VEGFD: variants seen among roughly 807,000 people sequenced by gnomAD.
VEGFD encodes the protein c-fos induced growth factor (vascular endothelial growth factor D).
VEGFD carries 26 observed loss-of-function variants against 28.0 expected under a neutral mutation model. The observed-to-expected ratio is 0.93, with a 90% CI of 0.68 to 1.29. VEGFD has a LOEUF of 1.29. Among genes scored for constraint, VEGFD ranks in the 50% most tolerant of loss-of-function variants. VEGFD has a pLI of 0.00. For missense variants in VEGFD, 294 were observed against 273.4 expected, an observed-to-expected ratio of 1.08 and a Z score of -0.53; for synonymous variants, 93 against 95.5, an observed-to-expected ratio of 0.97 and a Z score of 0.15.
chrX:15,357,069 G>A (rs1346153899), intron 3 of VEGFD, among the ~76,000 whole-genome samples: 1 of 111,795 alleles, frequency 8.9e-6, no homozygotes, highest in African/African-American at 3.3e-5. Flanking sequence ...CAAAAATAAT[G>A]TAGTTTGATG....
chrX:15,382,744 T>G (rs1923612239), intron 1 of VEGFD, among the ~76,000 whole-genome samples: 1 of 111,074 alleles, frequency 9.0e-6, no homozygotes, highest in South Asian at 3.8e-4. Flanking sequence ...ATTTGAGAAG[T>G]TAGAAAAGTG....
chrX:15,361,645 C>CTA (rs1923014845), intron 2 of VEGFD, among the ~76,000 whole-genome samples: 1 of 111,210 alleles, frequency 9.0e-6, no homozygotes, highest in Non-Finnish European at 1.9e-5. Flanking sequence ...TTGAATTATG[C>CTA]TATATATATA....
intron 1 of VEGFD, among the ~76,000 whole-genome samples, chrX:15,381,296 G>T (rs570029491): frequency 2.7e-5 from 3 of 111,015 alleles, no homozygotes; most frequent in Middle Eastern, 4.6e-3. Flanking sequence ...TAGAACTATC[G>T]TAGAGGCAAT....
At chrX:15,375,890 TTA>T (rs1452941112) in intron 1 of VEGFD, among the ~76,000 whole-genome samples, 2 of 111,379 alleles carry the variant, frequency 1.8e-5, no homozygotes, top group Non-Finnish European at 3.8e-5. Context: ...TGCCCTGCCT[TTA>T]TGTGTTTGAA....
intron 5 of VEGFD, among the ~76,000 whole-genome samples, chrX:15,351,785 A>G (rs906425214): frequency 2.7e-5 from 3 of 112,661 alleles, no homozygotes; most frequent in Admixed American, 9.3e-5. Flanking sequence ...TTTTATATTG[A>G]TTGCATGTTG....
chrX:15,371,758 C>T (rs182273110), intron 1 of VEGFD, among the ~76,000 whole-genome samples: 5 of 112,320 alleles, frequency 4.5e-5, no homozygotes, highest in African/African-American at 1.3e-4. Context: ...GCATTGTGCT[C>T]ATTCCAAATT....
chrX:15,355,586 C>T (rs761183147), intron 3 of VEGFD, among the ~76,000 whole-genome samples: 62 of 112,210 alleles, frequency 5.5e-4, no homozygotes, highest in East Asian at 5.6e-4. Flanking sequence ...TAAAGCTATG[C>T]AGTTTCTTTA....
intron 4 of VEGFD, among the ~76,000 whole-genome samples, chrX:15,353,477 C>G (rs1371942151): frequency 8.9e-6 from 1 of 112,546 alleles, no homozygotes; most frequent in African/African-American, 3.2e-5. Context: ...CGGTGGCTCA[C>G]GCCTGTAATC....
intron 5 of VEGFD, among the ~76,000 whole-genome samples, chrX:15,350,942 A>G (rs1351394433): frequency 9.9e-6 from 1 of 100,973 alleles, no homozygotes; most frequent in Non-Finnish European, 2.0e-5. Context: ...GCTCACTGCA[A>G]CCTCTGCCTC....
chrX:15,346,385 G>A, intron 6 of VEGFD, 126 bp from the exon 7 acceptor site: 2 of 728,582 alleles, frequency 2.7e-6, no homozygotes, highest in Non-Finnish European at 2.0e-6. Context: ...ATCCTGCATG[G>A]TTATCCCACA....
chrX:15,374,980 T>G (rs1339889463), intron 1 of VEGFD, among the ~76,000 whole-genome samples: 1 of 111,155 alleles, frequency 9.0e-6, no homozygotes, highest in East Asian at 2.8e-4. Flanking sequence ...CTTTCTTTCC[T>G]TCCTCTTTCC....
At chrX:15,357,048 G>A (rs1274877169) in intron 3 of VEGFD, among the ~76,000 whole-genome samples, 1 of 111,858 alleles carries the variant, frequency 8.9e-6, no homozygotes, top group East Asian at 2.8e-4. Flanking sequence ...CAAAGAATTT[G>A]CAACAGATAC....
intron 1 of VEGFD, among the ~76,000 whole-genome samples, chrX:15,370,246 G>A (rs1923274356): frequency 9.0e-6 from 1 of 111,634 alleles, no homozygotes; most frequent in Non-Finnish European, 1.9e-5. Flanking sequence ...AGCAGTAATG[G>A]TATCTGTCTT....
At chrX:15,366,075 C>T (rs946325818) in intron 1 of VEGFD, among the ~76,000 whole-genome samples, 1 of 111,656 alleles carries the variant, frequency 9.0e-6, no homozygotes, top group Non-Finnish European at 1.9e-5. Flanking sequence ...GGCGCGATCT[C>T]GGCTCACTGC....
chrX:15,379,727 C>T (rs1174122000), intron 1 of VEGFD, among the ~76,000 whole-genome samples: 4 of 111,955 alleles, frequency 3.6e-5, no homozygotes, highest in Non-Finnish European at 7.5e-5. Context: ...TTCTGTAGCA[C>T]CTCTATCCAA....
intron 1 of VEGFD, among the ~76,000 whole-genome samples, chrX:15,373,653 C>T (rs1923365891): frequency 9.0e-6 from 1 of 111,542 alleles, no homozygotes; most frequent in Admixed American, 9.6e-5. Context: ...CCCTGGGGGG[C>T]GTGGTTCTCT....
chrX:15,359,790 C>G lies in VEGFD; in HGVS notation c.302-1597G>C, dbSNP rs757946590. Among the ~76,000 whole-genome samples the G allele has an allele frequency of 6.3e-5, 7 of 111,936 alleles. No homozygotes were observed. In the Middle Eastern group the frequency reaches 0.014, roughly 219 times the overall value. ...GTGAGGAATTGAGTCCTGCAAACAA[C>G]AGCTGACTGAACTTGAAAGCACACT... On this transcript the variant is annotated intron_variant, in intron 2 of 6. Coordinates refer to ENST00000297904, the MANE Select transcript of VEGFD (RefSeq NM_004469.5).
intron 1 of VEGFD, among the ~76,000 whole-genome samples, chrX:15,380,649 C>T (rs959216608): frequency 2.7e-5 from 3 of 113,094 alleles, no homozygotes; most frequent in African/African-American, 9.6e-5. Flanking sequence ...TGAAGGCTGG[C>T]TTTCCCCAGC....
chrX:15,370,676 T>G (rs1388500232), intron 1 of VEGFD, among the ~76,000 whole-genome samples: 1 of 112,341 alleles, frequency 8.9e-6, no homozygotes, highest in African/African-American at 3.2e-5. Flanking sequence ...ATATTTTATA[T>G]GTAGTACTGC....
Sources: allele counts gnomAD v4.1 joint callset (sites outside exome capture counted in the v4.1 genomes callset), GRCh38; gene constraint gnomAD v4.1.1; transcripts MANE v1.5; gene names NCBI Gene and HGNC (gene_info 2026-07-23, HGNC 2026-07-21).